EYS: variants seen among roughly 807,000 people sequenced by gnomAD.
The protein encoded by EYS is protein eyes shut homolog.
EYS carries 250 observed loss-of-function variants against 282.1 expected under a neutral mutation model. The ratio of observed to expected loss-of-function variants is 0.89; its 90% confidence interval spans 0.80 to 0.98. EYS has a LOEUF of 0.98. Ranked by LOEUF, EYS falls within the 50% of genes least tolerant of loss-of-function variation. The probability of loss-of-function intolerance (pLI) is 0.00; values close to 1 mark genes in which losing one functional copy is unlikely to be tolerated. For synonymous variants in EYS, 1,355 were observed against 1,282.9 expected (o/e 1.06, Z -1.20); for missense variants, 4,016 against 3,709.0 (o/e 1.08, Z -2.15).
At chr6:64,965,781 A>T (rs1770074132) in intron 14 of EYS, among the ~76,000 whole-genome samples, 1 of 152,136 alleles carries the variant, frequency 6.6e-6, no homozygotes, top group African/African-American at 2.4e-5. Flanking sequence ...ACATATATTA[A>T]GATACAGCTA....
intron 26 of EYS, among the ~76,000 whole-genome samples, chr6:64,514,728 A>C (rs967909195): frequency 2.0e-5 from 3 of 151,820 alleles, no homozygotes; most frequent in African/African-American, 7.2e-5. Flanking sequence ...AGTCAGGTTC[A>C]ACCTAACCCT....
chr6:65,616,224 T>A (rs1031321300), intron 2 of EYS, among the ~76,000 whole-genome samples: 1 of 152,208 alleles, frequency 6.6e-6, no homozygotes, highest in Non-Finnish European at 1.5e-5. Flanking sequence ...CTAGTGTTAA[T>A]AGTCATATAA....
intron 29 of EYS, among the ~76,000 whole-genome samples, chr6:64,353,681 T>C (rs565305699): frequency 8.6e-4 from 130 of 151,766 alleles, no homozygotes; most frequent in Middle Eastern, 3.4e-3. Flanking sequence ...TTACTAGAAT[T>C]GCTTTGATCA....
chr6:64,646,091 C>G (rs1005954550), intron 22 of EYS, among the ~76,000 whole-genome samples: 9 of 152,166 alleles, frequency 5.9e-5, no homozygotes, highest in African/African-American at 2.2e-4. Context: ...GGTAGCTACA[C>G]TTCTTGTGTA....
intron 19 of EYS, among the ~76,000 whole-genome samples, chr6:64,829,263 C>T (rs1765147264): frequency 6.6e-6 from 1 of 152,000 alleles, no homozygotes; most frequent in South Asian, 2.1e-4. Context: ...TCTCTGGCAT[C>T]AGCCACCACA....
intron 5 of EYS, among the ~76,000 whole-genome samples, chr6:65,420,666 G>A (rs918355167): frequency 2.0e-5 from 3 of 151,742 alleles, no homozygotes; most frequent in Non-Finnish European, 4.4e-5. Flanking sequence ...TCCATCAGAG[G>A]AATCACTGTC....
chr6:63,835,448 A>G (rs1279872028), intron 36 of EYS, among the ~76,000 whole-genome samples: 2 of 151,982 alleles, frequency 1.3e-5, no homozygotes, highest in African/African-American at 2.4e-5. Flanking sequence ...GAAACTATTA[A>G]TTCTTTCGTT....
At chr6:64,274,691 C>T (rs995232054) in intron 30 of EYS, among the ~76,000 whole-genome samples, 2 of 151,956 alleles carry the variant, frequency 1.3e-5, no homozygotes, top group African/African-American at 2.4e-5. Flanking sequence ...GCCTTAATCC[C>T]TGTCACTCCT....
intron 10 of EYS, among the ~76,000 whole-genome samples, chr6:65,338,096 C>T: frequency 6.6e-6 from 1 of 151,148 alleles, no homozygotes; most frequent in Non-Finnish European, 1.5e-5. Context: ...ATCTAATGCT[C>T]TGGTTGAAAT....
At chr6:65,233,317 C>T (rs1274212878) in intron 12 of EYS, among the ~76,000 whole-genome samples, 3 of 152,130 alleles carry the variant, frequency 2.0e-5, no homozygotes, top group Non-Finnish European at 4.4e-5. Flanking sequence ...ACCCACCCCT[C>T]CATCTGGCAG....
At chr6:65,544,771 T>G (rs1209212864) in intron 2 of EYS, among the ~76,000 whole-genome samples, 1 of 152,134 alleles carries the variant, frequency 6.6e-6, no homozygotes, top group Non-Finnish European at 1.5e-5. Context: ...AATGTGAAAT[T>G]TCATGCCAGT....
chr6:65,409,119 G>C (rs1766874055), intron 5 of EYS, among the ~76,000 whole-genome samples: 1 of 152,056 alleles, frequency 6.6e-6, no homozygotes, highest in Non-Finnish European at 1.5e-5. Context: ...TAATTTTCTT[G>C]CCATGCCTAT....
intron 2 of EYS, among the ~76,000 whole-genome samples, chr6:65,629,000 T>C (rs1372624580): frequency 1.3e-5 from 2 of 152,188 alleles, no homozygotes; most frequent in South Asian, 4.1e-4. Context: ...AAAAGCAAAA[T>C]TGAGAAATGA....
At chr6:65,170,011 TGGGAAACTTACTTTCACC>T (rs1765067090) in intron 12 of EYS, among the ~76,000 whole-genome samples, 1 of 151,528 alleles carries the variant, frequency 6.6e-6, no homozygotes, top group African/African-American at 2.4e-5. Flanking sequence ...CTTCTAAAAA[TGGGAAACTTACTTTCACC>T]TGCAAGAACT....
rs187112253 is a variant in EYS, at chr6:64,956,317, G to C, written c.2260-10403C>G. On this transcript the variant is annotated intron_variant, in intron 14 of 42. Transcript: ENST00000503581. ...CTACAGTGAACTCATTTTTGGTAAA[G>C]GTGTCAAGAACATGCACTGGAGAAA... is the stretch of plus-strand genomic sequence containing the variant. 9.9e-5 allele frequency among the ~76,000 whole-genome samples: 15 copies of C among 152,266 alleles called. No homozygotes were observed. The East Asian group carries it at 1.7e-3, about 18-fold the overall frequency.
chr6:64,869,541 GA>G (rs957839751), intron 19 of EYS, among the ~76,000 whole-genome samples: 1 of 151,290 alleles, frequency 6.6e-6, no homozygotes, highest in Non-Finnish European at 1.5e-5. Context: ...CCTTTTAAGA[GA>G]AAAAAAATCT....
chr6:64,817,134 A>T (rs1014664979), intron 21 of EYS, among the ~76,000 whole-genome samples: 1 of 152,086 alleles, frequency 6.6e-6, no homozygotes, highest in African/African-American at 2.4e-5. Context: ...AATTTGTAGG[A>T]AAAAGCTGAC....
intron 21 of EYS, among the ~76,000 whole-genome samples, chr6:64,820,418 A>T (rs1562208831): frequency 6.6e-6 from 1 of 152,122 alleles, no homozygotes; most frequent in African/African-American, 2.4e-5. Context: ...ACTATTAAGA[A>T]ATATGGTTTT....
rs997190228 is a variant in EYS at position 65,689,020 on chromosome 6, C to T, written c.-448+18115G>A. Among the ~76,000 whole-genome samples, 10 of 150,774 alleles carry T rather than the reference C, an allele frequency of 6.6e-5. 1 individual carries two copies. Among genetic ancestry groups the T allele is most frequent in the Admixed American group, 4.6e-4 (7 of 15,060 alleles). Reference sequence around the variant, plus strand: ...ACCATTTGACCCAGCCATCCCATTACTGGGTATATACCCAAAGGATTATAA... The same window carrying T: ...ACCATTTGACCCAGCCATCCCATTATTGGGTATATACCCAAAGGATTATAA... On this transcript the variant is annotated intron_variant, in intron 1 of 42. Coordinates refer to ENST00000503581, the MANE Select transcript of EYS (RefSeq NM_001142800.2).
Sources: allele counts gnomAD v4.1 joint callset (sites outside exome capture counted in the v4.1 genomes callset), GRCh38; gene constraint gnomAD v4.1.1; transcripts MANE v1.5; gene names NCBI Gene and HGNC (gene_info 2026-07-23, HGNC 2026-07-21).